The following GMDS variants were observed in gnomAD, a reference collection of about 807,000 sequenced individuals.
The protein encoded by GMDS is GDP-mannose 4,6-dehydratase, also known as GDP-mannose 4,6 dehydratase.
GMDS carries 20 observed loss-of-function variants against 49.9 expected under a neutral mutation model. The observed-to-expected ratio is 0.40, with a 90% confidence interval of 0.28 to 0.58. The LOEUF is 0.58. GMDS is among the 20% of genes least tolerant of loss of function. The pLI is 0.42. For synonymous variants in GMDS, 177 were observed against 178.6 expected, an observed-to-expected ratio of 0.99 and a Z score of 0.07; for missense variants, 362 against 481.4, an observed-to-expected ratio of 0.75 and a Z score of 2.32.
chr6:2,158,080 A>G (rs1347909370), intron 1 of GMDS, among the ~76,000 whole-genome samples: 1 of 152,154 alleles, frequency 6.6e-6, no homozygotes, highest in East Asian at 1.9e-4. Context: ...TGAAAGCACC[A>G]TTCTTTCATG....
intron 1 of GMDS, among the ~76,000 whole-genome samples, chr6:2,127,480 C>G (rs9503100): frequency 0.033 from 5,010 of 152,232 alleles, 293 homozygotes; most frequent in African/African-American, 0.11. Flanking sequence ...ATTTAGAGAG[C>G]TGATGTGAAA....
intron 7 of GMDS, among the ~76,000 whole-genome samples, chr6:1,862,174 C>T (rs942656922): frequency 3.3e-5 from 5 of 152,152 alleles, no homozygotes; most frequent in African/African-American, 7.2e-5. Context: ...ACTGGGACTT[C>T]GCATTCTTCA....
rs550419573 is a variant in GMDS, at chr6:1,628,856, T to C, written c.988-4316A>G. Among the ~76,000 whole-genome samples the C allele has an allele frequency of 1.5e-4, 23 of 152,316 alleles. No individual in the cohort carries two copies. In the East Asian group the frequency reaches 2.7e-3, roughly 18 times the overall value. On this transcript the variant is annotated intron_variant, in intron 9 of 10. Coordinates refer to ENST00000380815, the MANE Select transcript of GMDS (RefSeq NM_001500.4). ...AGCTGTGAGGGGCGCTTAATATTCTTTTTTTCCCTTCTACTTTTCTTAGAA... is the reference window on the plus strand; with the variant it reads ...AGCTGTGAGGGGCGCTTAATATTCTCTTTTTCCCTTCTACTTTTCTTAGAA...
intron 6 of GMDS, among the ~76,000 whole-genome samples, chr6:1,937,184 ACGTCTACAAC>A (rs1443162999): frequency 6.6e-6 from 1 of 152,130 alleles, no homozygotes; most frequent in Non-Finnish European, 1.5e-5. Context: ...GGAACACTCT[ACGTCTACAAC>A]CGTCACACAA....
chr6:2,030,332 G>A (rs1768876797), intron 4 of GMDS, among the ~76,000 whole-genome samples: 1 of 152,186 alleles, frequency 6.6e-6, no homozygotes, highest in South Asian at 2.1e-4. Flanking sequence ...AAAAAGATAA[G>A]GGAGGCAAAT....
At chr6:1,683,287 C>A (rs1037780616) in intron 9 of GMDS, among the ~76,000 whole-genome samples, 1 of 152,172 alleles carries the variant, frequency 6.6e-6, no homozygotes, top group Non-Finnish European at 1.5e-5. Flanking sequence ...CCACGCCCGG[C>A]TAGTTTTTTG....
intron 9 of GMDS, among the ~76,000 whole-genome samples, chr6:1,644,350 T>G (rs1030402515): frequency 8.5e-5 from 13 of 152,136 alleles, no homozygotes; most frequent in African/African-American, 3.1e-4. Context: ...AAACCTGCCC[T>G]CAACACAGCC....
chr6:2,173,893 A>G (rs1778143640), intron 1 of GMDS, among the ~76,000 whole-genome samples: 1 of 152,186 alleles, frequency 6.6e-6, no homozygotes, highest in African/African-American at 2.4e-5. Context: ...TTCTCATCCT[A>G]AGGAACAGAA....
chr6:1,972,705 T>C (rs1191952426), intron 4 of GMDS, among the ~76,000 whole-genome samples: 3 of 152,224 alleles, frequency 2.0e-5, no homozygotes, highest in African/African-American at 7.2e-5. Context: ...ACTTGTGACC[T>C]TTCCATCAAT....
intron 7 of GMDS, among the ~76,000 whole-genome samples, chr6:1,807,172 A>G (rs944110985): frequency 6.6e-6 from 1 of 152,006 alleles, no homozygotes; most frequent in African/African-American, 2.4e-5. Context: ...CCCCCTGAGA[A>G]GCAGGACTAC....
chr6:2,139,203 T>C (rs1233569591), intron 1 of GMDS, among the ~76,000 whole-genome samples: 1 of 152,118 alleles, frequency 6.6e-6, no homozygotes, highest in Non-Finnish European at 1.5e-5. Context: ...GCTATTGAAA[T>C]AAAAAATTTA....
chr6:1,779,036 A>G (rs780995641), intron 7 of GMDS, among the ~76,000 whole-genome samples: 13 of 151,950 alleles, frequency 8.6e-5, no homozygotes, highest in Non-Finnish European at 1.5e-4. Flanking sequence ...GGGAGTGAGG[A>G]GGGAGCGCTC....
At chr6:2,206,977 G>A (rs1196325351) in intron 1 of GMDS, among the ~76,000 whole-genome samples, 1 of 152,108 alleles carries the variant, frequency 6.6e-6, no homozygotes, top group East Asian at 1.9e-4. Context: ...TCTTAGTGGT[G>A]GTATTCACAG....
chr6:2,100,997 T>C (rs1773892085), intron 4 of GMDS, among the ~76,000 whole-genome samples: 1 of 152,012 alleles, frequency 6.6e-6, no homozygotes, highest in South Asian at 2.1e-4. Context: ...TTATGAAAGA[T>C]ATTGCAATTT....
chr6:1,913,540 G>C (rs1408154929), intron 7 of GMDS, among the ~76,000 whole-genome samples: 1 of 152,106 alleles, frequency 6.6e-6, no homozygotes, highest in African/African-American at 2.4e-5. Flanking sequence ...AGAATAGAAG[G>C]GTGTGATTTG....
At chr6:1,860,770 G>C (rs1458046830) in intron 7 of GMDS, among the ~76,000 whole-genome samples, 1 of 152,198 alleles carries the variant, frequency 6.6e-6, no homozygotes, top group Non-Finnish European at 1.5e-5. Flanking sequence ...ACTTGATGGG[G>C]AAGGCAAAAT....
At chr6:1,689,892 A>T (rs1374222658) in intron 9 of GMDS, among the ~76,000 whole-genome samples, 2 of 109,992 alleles carry the variant, frequency 1.8e-5, no homozygotes, top group Non-Finnish European at 3.7e-5. Context: ...AGCATAGAAA[A>T]CAAGTTGAAA....
At chr6:2,175,644 C>T (rs139442213) in intron 1 of GMDS, among the ~76,000 whole-genome samples, 1 of 152,322 alleles carries the variant, frequency 6.6e-6, no homozygotes, top group Non-Finnish European at 1.5e-5. Context: ...TTACCCAAGC[C>T]TCACAGAACA....
At chr6:1,837,980 C>T (rs1277700467) in intron 7 of GMDS, among the ~76,000 whole-genome samples, 3 of 152,152 alleles carry the variant, frequency 2.0e-5, no homozygotes, top group South Asian at 2.1e-4. Context: ...AAAAGCATTG[C>T]TATTTTTTTA....
Sources: allele counts gnomAD v4.1 joint callset (sites outside exome capture counted in the v4.1 genomes callset), GRCh38; gene constraint gnomAD v4.1.1; transcripts MANE v1.5; gene names NCBI Gene and HGNC (gene_info 2026-07-23, HGNC 2026-07-21).